Variants in WNT3 observed in about 807,000 individuals in gnomAD.
The protein encoded by WNT3 is proto-oncogene Wnt-3.
A neutral mutation model predicts 34.2 loss-of-function variants in WNT3; 7 were observed. That is an observed-to-expected ratio of 0.20 (90% confidence interval 0.12 to 0.38). WNT3 has a LOEUF of 0.38. WNT3 is among the 10% of genes least tolerant of loss of function. WNT3 has a pLI of 1.00. For synonymous variants in WNT3, 212 were observed against 211.5 expected (o/e 1.00, Z -0.02); for missense variants, 267 against 499.8 (o/e 0.53, Z 4.44).
intron 1 of WNT3, among the ~76,000 whole-genome samples, chr17:46,801,283 A>G (rs138693961): frequency 6.6e-6 from 1 of 152,330 alleles, no homozygotes; most frequent in Admixed American, 6.5e-5. Flanking sequence ...ACAACAACAC[A>G]GTCATATCTG....
chr17:46,808,244 A>G (rs1200814779), intron 1 of WNT3, among the ~76,000 whole-genome samples: 1 of 152,240 alleles, frequency 6.6e-6, no homozygotes, highest in Non-Finnish European at 1.5e-5. Flanking sequence ...GCTGTCAGCA[A>G]CTGTGCAATC....
At chr17:46,797,175 G>A (rs1048908792) in intron 1 of WNT3, among the ~76,000 whole-genome samples, 70 of 152,272 alleles carry the variant, frequency 4.6e-4, no homozygotes, top group African/African-American at 1.7e-3. Context: ...GTTGCCTGTG[G>A]CGATTCTTAA....
intron 1 of WNT3, among the ~76,000 whole-genome samples, chr17:46,789,439 G>A (rs11658976): frequency 0.6 from 91,797 of 152,026 alleles, 28,004 homozygotes; most frequent in African/African-American, 0.67. Flanking sequence ...GAGCCTCTGG[G>A]GAGGAGTCCA....
In WNT3 at chr17:46,763,257, T is replaced by A. The variant is rs1306756953; in HGVS notation, c.*1373A>T. 6.6e-6 allele frequency: 1 copy of A among 152,248 alleles called. No individual in the cohort carries two copies. The highest frequency in any genetic ancestry group is 2.1e-4 in the South Asian group (1 of 4,824). 9.4% of individuals were successfully genotyped at this position (152,248 alleles called of 1,614,324 possible). On this transcript the variant is annotated 3_prime_UTR_variant, in exon 5 of 5. Transcript: ENST00000225512. ...CTCCCTAAGACAGTTGTTGAACCAATTCATACTGTGAAATCCATGTGCCTC... is the reference window on the plus strand; with the variant it reads ...CTCCCTAAGACAGTTGTTGAACCAAATCATACTGTGAAATCCATGTGCCTC...
chr17:46,784,988 A>G (rs1161129700), intron 1 of WNT3, among the ~76,000 whole-genome samples: 6 of 152,068 alleles, frequency 3.9e-5, no homozygotes, highest in East Asian at 1.9e-4. Flanking sequence ...TGTGTTAGCC[A>G]GGATGGTCTC....
At chr17:46,795,208 A>G (rs1439733142) in intron 1 of WNT3, among the ~76,000 whole-genome samples, 2 of 151,952 alleles carry the variant, frequency 1.3e-5, no homozygotes, top group African/African-American at 4.8e-5. Context: ...CTGCTCCCCC[A>G]TAAACACCCT....
intron 1 of WNT3, among the ~76,000 whole-genome samples, chr17:46,781,467 G>C (rs1287109266): frequency 6.6e-6 from 1 of 151,672 alleles, no homozygotes; most frequent in Non-Finnish European, 1.5e-5. Flanking sequence ...GAAGAAACTT[G>C]AAAACAAGCT....
At chr17:46,767,230 G>T (rs537414847) in intron 4 of WNT3, among the ~76,000 whole-genome samples, 24 of 152,128 alleles carry the variant, frequency 1.6e-4, no homozygotes, top group Admixed American at 1.5e-3. Context: ...GGAAGCTTGG[G>T]AACAAAATCC....
intron 1 of WNT3, among the ~76,000 whole-genome samples, chr17:46,795,711 C>T (rs538977387): frequency 3.3e-5 from 5 of 152,326 alleles, no homozygotes; most frequent in African/African-American, 1.2e-4. Flanking sequence ...GACTCACAAA[C>T]GATTCTGCCG....
chr17:46,768,663 G>A lies in WNT3; in HGVS notation c.725C>T (p.Ser242Leu). Residue 242 changes from serine (S) to leucine (L), a missense_variant, in exon 4 of 5, where the codon TCG (serine) becomes TTG (leucine). Transcript: ENST00000225512. The surrounding 1 kb of genome is among the most constrained non-coding windows in gnomAD (Gnocchi z 5.0). ...DFLKDKYDSASEMVVEKHRES... is the reference protein window; with the variant it reads ...DFLKDKYDSALEMVVEKHRES... ...ACGGTGCTTCTCTACTACCATCTCC[G>A]AGGCGCTGTCATACTTGTCCTTGAG... 6.2e-7 allele frequency: 1 copy of A among 1,614,152 alleles called. No individual in the cohort carries two copies. The highest frequency in any genetic ancestry group is 8.5e-7 in the Non-Finnish European group (1 of 1,180,040).
At position 46,768,271 on chromosome 17, in the gene WNT3, G is replaced by A. The variant is rs750056314; in HGVS notation, c.*8+41C>T. ...ATGGGCAAACAACCCCATTCCCTGC[G>A]CCCAGGCTCCCAGCCTCCCCCCTGC... On this transcript the variant is annotated intron_variant, in intron 4 of 4. Transcript: ENST00000225512. This position sits in a 1 kb window ranked among gnomAD's most constrained non-coding sequence, Gnocchi z 5.0. 16 of 1,611,204 alleles carry A rather than the reference G, an allele frequency of 9.9e-6. No individual in the cohort carries two copies. The highest frequency in any genetic ancestry group is 2.2e-5 in the South Asian group (2 of 91,008).
rs1210640241 is a variant in WNT3, at chr17:46,768,227, G to A, written c.*8+85C>T. The A allele has an allele frequency of 1.9e-6, 3 of 1,570,862 alleles. No homozygotes were observed. The highest frequency in any genetic ancestry group is 2.3e-4 in the Middle Eastern group (1 of 4,428). On this transcript the variant is annotated intron_variant, in intron 4 of 4. Transcript: ENST00000225512. The surrounding 1 kb of genome is among the most constrained non-coding windows in gnomAD (Gnocchi z 5.0). ...TCTTGGATAGCTTAGAAACAGAAGG[G>A]GGTCGTCAAGAAGACGAGATGGGCA...
chr17:46,803,788 C>T (rs2084157401), intron 1 of WNT3, among the ~76,000 whole-genome samples: 1 of 152,186 alleles, frequency 6.6e-6, no homozygotes, highest in Non-Finnish European at 1.5e-5. Flanking sequence ...GTGTGGCCTG[C>T]CCTGGCAGAA....
intron 1 of WNT3, among the ~76,000 whole-genome samples, chr17:46,802,174 C>A (rs1253226092): frequency 6.6e-6 from 1 of 152,188 alleles, no homozygotes; most frequent in Non-Finnish European, 1.5e-5. Flanking sequence ...TGCTAATGAG[C>A]TGACGGAAGA....
At chr17:46,794,814 G>A (rs1048925437) in intron 1 of WNT3, among the ~76,000 whole-genome samples, 2 of 146,344 alleles carry the variant, frequency 1.4e-5, no homozygotes, top group African/African-American at 5.1e-5. Flanking sequence ...GCAGAGGTAC[G>A]ATTCCAGCTC....
chr17:46,794,141 T>C (rs1040614120), intron 1 of WNT3, among the ~76,000 whole-genome samples: 1 of 150,284 alleles, frequency 6.7e-6, no homozygotes, highest in African/African-American at 2.5e-5. Context: ...GGAGAGCAAG[T>C]GAAGGAGGAC....
At chr17:46,817,487 T>C (rs1454520811) in intron 1 of WNT3, among the ~76,000 whole-genome samples, 3 of 152,174 alleles carry the variant, frequency 2.0e-5, no homozygotes, top group Non-Finnish European at 4.4e-5. Flanking sequence ...TTTAGAGAAC[T>C]GGTTTCAGTG....
Position 46,764,397 on chromosome 17 carries a change from C to T in WNT3, c.*233G>A, listed in dbSNP as rs1482386463. On this transcript the variant is annotated 3_prime_UTR_variant, in exon 5 of 5. Coordinates refer to ENST00000225512, the MANE Select transcript of WNT3 (RefSeq NM_030753.5). ...AGAGAACTAAAAAGAAAGCCCCCTT[C>T]TTTAAAAACCACACACCATCCAGAG... 1 of 152,644 alleles carries T rather than the reference C, an allele frequency of 6.6e-6. No individual in the cohort carries two copies. Among genetic ancestry groups the T allele is most frequent in the African/African-American group, 2.4e-5 (1 of 41,448 alleles). The allele number at this position is 152,644 out of a possible 1,614,324, so 9.5% of individuals were successfully genotyped here.
chr17:46,763,478 C>G lies in WNT3; in HGVS notation c.*1152G>C, dbSNP rs932963230. ...GGAGGAAGAGCTGGGGGAAAGAACT[C>G]TGTGTCTGTGTTTACTCACATTGGC... is the stretch of plus-strand genomic sequence containing the variant. On this transcript the variant is annotated 3_prime_UTR_variant, in exon 5 of 5. Transcript: ENST00000225512. 1 of 152,196 alleles carries G rather than the reference C, an allele frequency of 6.6e-6. No individual in the cohort carries two copies. The highest frequency in any genetic ancestry group is 1.5e-5 in the Non-Finnish European group (1 of 68,096). The allele number at this position is 152,196 out of a possible 1,614,324, so 9.4% of individuals were successfully genotyped here.
Sources: gnomAD v4.1 joint callset for allele counts (sites outside exome capture counted in the v4.1 genomes callset) on GRCh38, gnomAD v4.1.1 for gene constraint, Gnocchi (gnomAD v3.1) non-coding constraint, MANE v1.5 for transcripts, NCBI Gene and HGNC (gene_info 2026-07-23, HGNC 2026-07-21) for gene names.